Variants in SLC22A23 observed in about 807,000 individuals in gnomAD.
The protein encoded by SLC22A23 is ion transporter protein.
Under a neutral mutation model 61.0 loss-of-function variants are expected in SLC22A23, and 26 were observed. That is an observed-to-expected ratio of 0.43 (90% CI 0.31 to 0.59). The LOEUF is 0.59. Among genes scored for constraint, SLC22A23 ranks in the 20% least tolerant of loss-of-function variants. SLC22A23 has a pLI of 0.11. For synonymous variants in SLC22A23, 430 were observed against 413.9 expected (o/e 1.04, Z -0.47); for missense variants, 796 against 934.7 (o/e 0.85, Z 1.94).
intron 3 of SLC22A23, among the ~76,000 whole-genome samples, chr6:3,394,214 G>A (rs1767858733): frequency 6.6e-6 from 1 of 152,148 alleles, no homozygotes; most frequent in Non-Finnish European, 1.5e-5. Flanking sequence ...TACTCTCTGG[G>A]TGGTGCATTC....
intron 3 of SLC22A23, among the ~76,000 whole-genome samples, chr6:3,377,109 T>G (rs527450052): frequency 6.6e-6 from 1 of 152,298 alleles, no homozygotes; most frequent in Non-Finnish European, 1.5e-5. Flanking sequence ...CTGCCTGTTT[T>G]TGTAAATAAA....
intron 1 of SLC22A23, among the ~76,000 whole-genome samples, chr6:3,437,452 C>T (rs1048875048): frequency 7.2e-4 from 109 of 151,812 alleles, no homozygotes; most frequent in African/African-American, 2.5e-3. Flanking sequence ...CCGAGGTGGG[C>T]GGATCATGAG....
At chr6:3,345,370 T>C (rs1474536998) in intron 3 of SLC22A23, among the ~76,000 whole-genome samples, 1 of 148,406 alleles carries the variant, frequency 6.7e-6, no homozygotes, top group Non-Finnish European at 1.5e-5. Flanking sequence ...TTTCTTTTTT[T>C]TTTTTTTTTT....
intron 1 of SLC22A23, among the ~76,000 whole-genome samples, chr6:3,417,090 G>A (rs1769769829): frequency 6.6e-6 from 1 of 152,124 alleles, no homozygotes; most frequent in Non-Finnish European, 1.5e-5. Flanking sequence ...GGCCCCTGAG[G>A]CCACAGCTGT....
At position 3,313,469 on chromosome 6, in the gene SLC22A23, C is replaced by T. The variant is rs1277372883; in HGVS notation, c.1082+10365G>A. The T allele has an allele frequency of 3.9e-5, 6 of 152,160 alleles. No individual in the cohort carries two copies. The South Asian group carries it at 1.0e-3, about 26-fold the overall frequency. The allele number at this position is 152,160 out of a possible 1,614,324, so 9.4% of individuals were successfully genotyped here. On this transcript the variant is annotated intron_variant, in intron 4 of 9. Transcript: ENST00000406686. The stretch of plus-strand genomic sequence containing the variant: ...GAGACTGCATGGTTTTCATGACGCA[C>T]CTCTTCCGTTTTCCTTTGAGGAGAG...
chr6:3,346,345 C>T (rs1764438626), intron 3 of SLC22A23, among the ~76,000 whole-genome samples: 1 of 152,158 alleles, frequency 6.6e-6, no homozygotes, highest in South Asian at 2.1e-4. Context: ...CCCTTCCATC[C>T]ACTTCATGTC....
In SLC22A23 at chr6:3,287,164, G is replaced by A. The variant is rs41301849; in HGVS notation, c.1314-73C>T. On this transcript the variant is annotated intron_variant, in intron 6 of 9. Coordinates refer to ENST00000406686, the MANE Select transcript of SLC22A23 (RefSeq NM_015482.2). Reference sequence around the variant, plus strand: ...GGGCTGCGCTGCCTCCTGGGAGTTCGTGCTGTCAGGTGACCAGGAGATGAA... The same window carrying A: ...GGGCTGCGCTGCCTCCTGGGAGTTCATGCTGTCAGGTGACCAGGAGATGAA... The A allele has an allele frequency of 3.0e-4, 415 of 1,376,334 alleles. 3 individuals are homozygous for A. Among genetic ancestry groups the A allele is most frequent in the Middle Eastern group, 1.4e-3 (8 of 5,574 alleles). 85.3% of individuals were successfully genotyped at this position (1,376,334 alleles called of 1,614,324 possible). A position where few individuals can be genotyped will look rare whatever the true frequency, so the allele number is the denominator to read the frequency against.
intron 3 of SLC22A23, among the ~76,000 whole-genome samples, chr6:3,388,659 C>T (rs1183620174): frequency 6.6e-6 from 1 of 152,192 alleles, no homozygotes; most frequent in Non-Finnish European, 1.5e-5. Flanking sequence ...CTCAAGTCTC[C>T]ATCAACTGAT....
chr6:3,275,180 A>G (rs532662207), intron 9 of SLC22A23, among the ~76,000 whole-genome samples: 3 of 152,248 alleles, frequency 2.0e-5, no homozygotes, highest in Non-Finnish European at 1.5e-5. Context: ...ATTTATGGTC[A>G]ACTGACTGTA....
Position 3,390,571 on chromosome 6 carries a change from G to A in SLC22A23, c.913+19617C>T, listed in dbSNP as rs1166048475. Among the ~76,000 whole-genome samples the A allele has an allele frequency of 1.3e-5, 2 of 152,088 alleles. No homozygotes were observed. The highest frequency in any genetic ancestry group is 2.9e-5 in the Non-Finnish European group (2 of 68,018). ...GGCCTAGAGTTCTGAGGTACACTTC[G>A]GGTTCACTTGCAGGTTTAAATGTTA... On this transcript the variant is annotated intron_variant, in intron 3 of 9. Coordinates refer to ENST00000406686, the MANE Select transcript of SLC22A23 (RefSeq NM_015482.2). This position sits in a 1 kb window ranked among gnomAD's most constrained non-coding sequence, Gnocchi z 4.0.
At chr6:3,393,801 C>T (rs756749567) in intron 3 of SLC22A23, among the ~76,000 whole-genome samples, 2 of 152,350 alleles carry the variant, frequency 1.3e-5, no homozygotes, top group Non-Finnish European at 2.9e-5. Flanking sequence ...GGTTTTCAAT[C>T]GTTCCTTCAT....
rs951008375 is a variant in SLC22A23 at position 3,286,162 on chromosome 6, G to T, written c.1546+697C>A. The stretch of plus-strand genomic sequence containing the variant: ...CACCCAGGCTGGAGTGCAGTGCTGC[G>T]ATCTCAGCTTACTGCAACCTCTGCC... On this transcript the variant is annotated intron_variant, in intron 7 of 9. Coordinates refer to ENST00000406686, the MANE Select transcript of SLC22A23 (RefSeq NM_015482.2). The surrounding 1 kb of genome is among the most constrained non-coding windows in gnomAD (Gnocchi z 4.2). Among the ~76,000 whole-genome samples the T allele has an allele frequency of 7.3e-5, 11 of 150,930 alleles. No individual in the cohort carries two copies. Among genetic ancestry groups the T allele is most frequent in the Middle Eastern group, 3.4e-3 (1 of 290 alleles).
rs539036650 is a variant in SLC22A23 at position 3,416,767 on chromosome 6, G to A, written c.655-912C>T. Among the ~76,000 whole-genome samples the A allele has an allele frequency of 2.6e-5, 4 of 152,370 alleles. No homozygotes were observed. In the South Asian group the frequency reaches 8.3e-4, roughly 32 times the overall value. On this transcript the variant is annotated intron_variant, in intron 1 of 9. Transcript: ENST00000406686. ...CTTCTGCTGCAAAGAAGTGGGCAAA[G>A]CTTCTGGTCTGGACGCGCAACTCCA...
intron 1 of SLC22A23, among the ~76,000 whole-genome samples, chr6:3,422,178 T>C (rs1233506095): frequency 6.6e-6 from 1 of 152,250 alleles, no homozygotes; most frequent in African/African-American, 2.4e-5. Context: ...ACAAAGTTCC[T>C]GACTGGGTCG....
chr6:3,378,828 T>A (rs967371576), intron 3 of SLC22A23, among the ~76,000 whole-genome samples: 2 of 151,920 alleles, frequency 1.3e-5, no homozygotes, highest in South Asian at 4.2e-4. Flanking sequence ...CGGCTAATTT[T>A]TTGTATTTTT....
intron 3 of SLC22A23, among the ~76,000 whole-genome samples, chr6:3,346,399 C>G (rs1467171104): frequency 1.3e-5 from 2 of 152,178 alleles, no homozygotes; most frequent in Non-Finnish European, 2.9e-5. Flanking sequence ...AGGATGAGAA[C>G]TGGGGGCAGC....
At chr6:3,369,872 CACG>C (rs1766094887) in intron 3 of SLC22A23, among the ~76,000 whole-genome samples, 1 of 152,206 alleles carries the variant, frequency 6.6e-6, no homozygotes, top group African/African-American at 2.4e-5. Context: ...GAATCTCAAG[CACG>C]ACTATTTTTT....
intron 3 of SLC22A23, among the ~76,000 whole-genome samples, chr6:3,374,894 T>C (rs947544902): frequency 6.6e-6 from 1 of 152,194 alleles, no homozygotes; most frequent in Non-Finnish European, 1.5e-5. Context: ...AGGATTCTAA[T>C]AGACTCAGGT....
At position 3,440,620 on chromosome 6, in the gene SLC22A23, T is replaced by C. The variant is rs537401548; in HGVS notation, c.654+15286A>G. Among the ~76,000 whole-genome samples the C allele has an allele frequency of 7.4e-5, 11 of 149,362 alleles. No homozygotes were observed. In the East Asian group the frequency reaches 2.0e-3, roughly 27 times the overall value. ...TACTCGGGAGGCTGAGGCAGGAGAA[T>C]AGTTTGAACCCAGGAGGTGGAGGTT... On this transcript the variant is annotated intron_variant, in intron 1 of 9. Coordinates refer to ENST00000406686, the MANE Select transcript of SLC22A23 (RefSeq NM_015482.2).
Sources: allele counts gnomAD v4.1 joint callset (sites outside exome capture counted in the v4.1 genomes callset), GRCh38; gene constraint gnomAD v4.1.1; non-coding constraint Gnocchi (gnomAD v3.1); transcripts MANE v1.5; gene names NCBI Gene and HGNC (gene_info 2026-07-23, HGNC 2026-07-21).